Variants in TRIM44 observed in about 807,000 individuals in gnomAD.
TRIM44 encodes tripartite motif-containing protein 44.
TRIM44 carries 13 observed loss-of-function variants against 37.4 expected under a neutral mutation model. That is an observed-to-expected ratio of 0.35 (90% CI 0.23 to 0.55). The LOEUF is 0.55. TRIM44 is among the 20% of genes least tolerant of loss of function. The pLI is 0.89. For missense variants in TRIM44, 426 were observed against 437.2 expected (o/e 0.97, Z 0.23); for synonymous variants, 175 against 157.2 (o/e 1.11, Z -0.85).
chr11:35,743,687 T>C (rs1564992891), intron 4 of TRIM44, among the ~76,000 whole-genome samples: 1 of 152,204 alleles, frequency 6.6e-6, no homozygotes, highest in Non-Finnish European at 1.5e-5. Flanking sequence ...GACACTGATA[T>C]TCTATTCCAT....
At chr11:35,800,454 C>G (rs1372829280) in intron 4 of TRIM44, among the ~76,000 whole-genome samples, 1 of 152,054 alleles carries the variant, frequency 6.6e-6, no homozygotes, top group Non-Finnish European at 1.5e-5. Context: ...AGCACTGATT[C>G]GTGCATTTTT....
At chr11:35,801,885 A>G (rs1229848683) in intron 4 of TRIM44, among the ~76,000 whole-genome samples, 2 of 152,182 alleles carry the variant, frequency 1.3e-5, no homozygotes, top group African/African-American at 2.4e-5. Context: ...ACATCCCCTA[A>G]AAGAAATTTT....
intron 1 of TRIM44, among the ~76,000 whole-genome samples, chr11:35,670,181 T>A (rs571257266): frequency 6.6e-6 from 1 of 152,336 alleles, no homozygotes; most frequent in South Asian, 2.1e-4. Flanking sequence ...TATCCCATGC[T>A]TCCCTCACAC....
At chr11:35,786,757 A>G (rs1853135360) in intron 4 of TRIM44, among the ~76,000 whole-genome samples, 3 of 152,128 alleles carry the variant, frequency 2.0e-5, no homozygotes, top group Non-Finnish European at 4.4e-5. Context: ...TTTTTAAAAA[A>G]CACAGTAATT....
intron 4 of TRIM44, 66 bp downstream of exon 4, chr11:35,735,511 T>C (rs1298130589): frequency 2.0e-6 from 3 of 1,518,238 alleles, no homozygotes; most frequent in Non-Finnish European, 2.7e-6. Flanking sequence ...GGCCTTTTAG[T>C]GCTCCATGAA....
intron 4 of TRIM44, among the ~76,000 whole-genome samples, chr11:35,745,572 C>T (rs932493178): frequency 3.3e-5 from 5 of 152,114 alleles, no homozygotes; most frequent in African/African-American, 9.7e-5. Flanking sequence ...ACCAATTTTA[C>T]CATAGACCAG....
chr11:35,790,290 G>T (rs775870647), intron 4 of TRIM44, among the ~76,000 whole-genome samples: 4 of 152,176 alleles, frequency 2.6e-5, no homozygotes, highest in African/African-American at 4.8e-5. Flanking sequence ...AACCTTCTAA[G>T]TGCAACACCT....
At chr11:35,697,663 C>T (rs1192010240) in intron 2 of TRIM44, among the ~76,000 whole-genome samples, 3 of 151,580 alleles carry the variant, frequency 2.0e-5, no homozygotes, top group Non-Finnish European at 4.4e-5. Context: ...TCCATGTGTT[C>T]TCATTGTTCA....
intron 4 of TRIM44, among the ~76,000 whole-genome samples, chr11:35,788,147 C>T (rs931312108): frequency 2.6e-5 from 4 of 152,092 alleles, no homozygotes; most frequent in Non-Finnish European, 2.9e-5. Context: ...TTCTCTGAGC[C>T]GGAGGGTGGA....
At chr11:35,802,752 G>A (rs1853386756) in intron 4 of TRIM44, among the ~76,000 whole-genome samples, 3 of 152,138 alleles carry the variant, frequency 2.0e-5, no homozygotes, top group South Asian at 4.1e-4. Flanking sequence ...CTTGAGACCT[G>A]CCACCTAGAA....
intron 2 of TRIM44, among the ~76,000 whole-genome samples, chr11:35,689,969 CTTGAAGCAAACAGTTAGCACAGTTGTGT>C (rs1257369563): frequency 1.3e-5 from 2 of 152,154 alleles, no homozygotes; most frequent in Non-Finnish European, 2.9e-5. Flanking sequence ...AACTGGTGTG[CTTGAAGCAAACAGTTAGCACAGTTGTGT>C]GTCTTGAATT....
intron 2 of TRIM44, among the ~76,000 whole-genome samples, chr11:35,719,527 A>T (rs1334001859): frequency 6.6e-6 from 1 of 152,114 alleles, no homozygotes; most frequent in Non-Finnish European, 1.5e-5. Context: ...TCTCTTTCAC[A>T]GAGCAGAGGT....
intron 1 of TRIM44, among the ~76,000 whole-genome samples, chr11:35,679,530 G>A (rs942894927): frequency 2.0e-5 from 3 of 152,142 alleles, no homozygotes; most frequent in East Asian, 1.9e-4. Context: ...TACCAGAAAG[G>A]TAATGTAAAG....
At chr11:35,800,381 C>T (rs1414633545) in intron 4 of TRIM44, among the ~76,000 whole-genome samples, 1 of 152,148 alleles carries the variant, frequency 6.6e-6, no homozygotes, top group African/African-American at 2.4e-5. Context: ...GCTTTTATTC[C>T]CTTATTTGGC....
In TRIM44 at chr11:35,663,007, G is replaced by T; in HGVS notation, c.-105G>T. The stretch of plus-strand genomic sequence containing the variant: ...ACGCGGCGCGGTCCAGGCGGGAGGC[G>T]ACTCCCTAGGAAGGGACCCGGGGCG... On this transcript the variant is annotated 5_prime_UTR_variant, in exon 1 of 5. Transcript: ENST00000299413. The T allele has an allele frequency of 2.1e-6, 3 of 1,416,166 alleles. No individual in the cohort carries two copies. Among genetic ancestry groups the T allele is most frequent in the African/African-American group, 2.9e-5 (2 of 69,054 alleles). 87.7% of individuals were successfully genotyped at this position (1,416,166 alleles called of 1,614,324 possible). A position where few individuals can be genotyped will look rare whatever the true frequency, so the allele number is the denominator to read the frequency against.
rs996849034 is a variant in TRIM44 at position 35,806,737 on chromosome 11, G to A, written c.*352G>A. 20 of 216,758 alleles carry A rather than the reference G, an allele frequency of 9.2e-5. No homozygotes were observed. The highest frequency in any genetic ancestry group is 3.4e-4 in the African/African-American group (15 of 43,736). The allele number at this position is 216,758 out of a possible 1,614,324, so 13.4% of individuals were successfully genotyped here. A position where few individuals can be genotyped will look rare whatever the true frequency, so the allele number is the denominator to read the frequency against. On this transcript the variant is annotated 3_prime_UTR_variant, in exon 5 of 5. Transcript: ENST00000299413. ...CAAACAGTATCGCTTTGTTAGGAAG[G>A]ATCTGGAATAATCTTGAAGGGAAGT...
At chr11:35,739,833 GTCA>G (rs1456067009) in intron 4 of TRIM44, among the ~76,000 whole-genome samples, 1 of 152,182 alleles carries the variant, frequency 6.6e-6, no homozygotes, top group Non-Finnish European at 1.5e-5. Context: ...CTGCTGTGGA[GTCA>G]TCATTTAAGA....
At chr11:35,725,064 ACT>A (rs758611307) in intron 2 of TRIM44, among the ~76,000 whole-genome samples, 11 of 98,080 alleles carry the variant, frequency 1.1e-4, no homozygotes, top group African/African-American at 4.0e-4. Context: ...ACATGCACAC[ACT>A]CACACACACA....
chr11:35,693,508 G>C (rs902478330), intron 2 of TRIM44, among the ~76,000 whole-genome samples: 29 of 152,114 alleles, frequency 1.9e-4, no homozygotes, highest in African/African-American at 6.7e-4. Context: ...ACAAAACCCG[G>C]TCCTTTCTGT....
Sources: allele counts gnomAD v4.1 joint callset (sites outside exome capture counted in the v4.1 genomes callset), GRCh38; gene constraint gnomAD v4.1.1; transcripts MANE v1.5; gene names NCBI Gene and HGNC (gene_info 2026-07-23, HGNC 2026-07-21).